UTRN: variants seen among roughly 807,000 people sequenced by gnomAD.
UTRN encodes utrophin, also known as dystrophin-related protein 1.
In UTRN, 283 loss-of-function variants were observed where a neutral mutation model predicts 463.9. The ratio of observed to expected loss-of-function variants is 0.61; its 90% CI spans 0.55 to 0.67. The LOEUF (loss-of-function observed/expected upper bound fraction) is 0.67. Among genes scored for constraint, UTRN ranks in the 30% least tolerant of loss-of-function variants. The pLI, the probability that UTRN is intolerant of heterozygous loss-of-function variation, is 0.00. For synonymous variants in UTRN, 1,442 were observed against 1,431.5 expected, an observed-to-expected ratio of 1.01 and a Z score of -0.17; for missense variants, 3,922 against 4,084.3, an observed-to-expected ratio of 0.96 and a Z score of 1.08.
intron 58 of UTRN, among the ~76,000 whole-genome samples, chr6:144,766,317 A>G (rs1394820711): frequency 6.6e-6 from 1 of 151,908 alleles, no homozygotes; most frequent in East Asian, 1.9e-4. Context: ...GTCATATCAG[A>G]TTGCCAACAT....
chr6:144,483,221 A>AAT (rs1247943591), intron 27 of UTRN, among the ~76,000 whole-genome samples: 2 of 152,150 alleles, frequency 1.3e-5, no homozygotes, highest in African/African-American at 4.8e-5. Context: ...TGCTAAGATA[A>AAT]ATATATATCA....
chr6:144,553,225 A>G (rs1413090365), intron 48 of UTRN, among the ~76,000 whole-genome samples: 6 of 152,050 alleles, frequency 3.9e-5, no homozygotes, highest in Admixed American at 2.0e-4. Flanking sequence ...TTTAGTAGAG[A>G]CAGGGTTTCA....
chr6:144,582,936 A>G (rs780435606), intron 51 of UTRN, among the ~76,000 whole-genome samples: 3 of 152,124 alleles, frequency 2.0e-5, no homozygotes, highest in Admixed American at 6.6e-5. Flanking sequence ...CTCAAGATTT[A>G]TAACAGGGTC....
intron 41 of UTRN, among the ~76,000 whole-genome samples, chr6:144,528,181 C>T (rs1796731370): frequency 6.6e-6 from 1 of 151,992 alleles, no homozygotes; most frequent in Non-Finnish European, 1.5e-5. Context: ...GGATTCCAGA[C>T]ACGCATCACC....
intron 51 of UTRN, among the ~76,000 whole-genome samples, chr6:144,596,192 C>T (rs1406463274): frequency 6.6e-6 from 1 of 152,118 alleles, no homozygotes; most frequent in Non-Finnish European, 1.5e-5. Context: ...TTTACTTATG[C>T]CAAATGTCAT....
At chr6:144,651,944 G>A (rs544836486) in intron 51 of UTRN, among the ~76,000 whole-genome samples, 10 of 152,232 alleles carry the variant, frequency 6.6e-5, no homozygotes, top group Non-Finnish European at 1.0e-4. Flanking sequence ...TATCCAATGT[G>A]TAGTCTTTTA....
rs1261224153 is a variant in UTRN at position 144,440,397 on chromosome 6, C to G, written c.1438C>G (p.Leu480Val). 2 of 1,614,038 alleles carry G rather than the reference C, an allele frequency of 1.2e-6. No homozygotes were observed. The highest frequency in any genetic ancestry group is 1.7e-6 in the Non-Finnish European group (2 of 1,180,034). Residue 480 changes from leucine to valine, a missense_variant, in exon 13 of 75, where the codon CTA (leucine) becomes GTA (valine). Leu to Val is a conservative substitution (Grantham distance 32). Coordinates refer to ENST00000367545, the MANE Select transcript of UTRN (RefSeq NM_007124.3). ...GGCTGAACAGGTGAAAGTAAATTCA[C>G]TAACTCACATGGTGGTCATTGTTGA... Reference protein sequence around the residue: ...LEAEQVKVNSLTHMVVIVDEN... With the variant: ...LEAEQVKVNSVTHMVVIVDEN...
intron 51 of UTRN, among the ~76,000 whole-genome samples, chr6:144,636,992 C>T (rs1276158524): frequency 2.6e-5 from 4 of 152,034 alleles, no homozygotes; most frequent in South Asian, 4.1e-4. Flanking sequence ...TTTTTTGAGA[C>T]GGAGTCTTCA....
intron 51 of UTRN, among the ~76,000 whole-genome samples, chr6:144,585,495 A>G (rs1274866059): frequency 6.6e-6 from 1 of 152,100 alleles, no homozygotes; most frequent in African/African-American, 2.4e-5. Flanking sequence ...CACAATTACT[A>G]TGAAATAAAT....
intron 63 of UTRN, among the ~76,000 whole-genome samples, chr6:144,797,366 G>A (rs768855963): frequency 3.3e-5 from 5 of 151,944 alleles, no homozygotes; most frequent in African/African-American, 1.2e-4. Flanking sequence ...TTTTGTGTGT[G>A]TGTGTTTTAG....
intron 51 of UTRN, among the ~76,000 whole-genome samples, chr6:144,651,348 GA>G (rs1361041906): frequency 2.6e-5 from 4 of 152,100 alleles, no homozygotes. Context: ...TAGTACTAGT[GA>G]ATGTCTTTCT....
chr6:144,490,282 C>T (rs1792931084), intron 31 of UTRN, 83 bp downstream of exon 31: 3 of 1,524,844 alleles, frequency 2.0e-6, no homozygotes, highest in Admixed American at 2.2e-5. Flanking sequence ...ATTACTTGGG[C>T]ACCGTTTGTA....
rs537685379 is a variant in UTRN at position 144,770,683 on chromosome 6, C to T, written c.8496-1224C>T. Among the ~76,000 whole-genome samples the T allele has an allele frequency of 8.5e-4, 130 of 152,240 alleles. 2 individuals are homozygous for T. In the South Asian group the frequency reaches 0.01, roughly 12 times the overall value. On this transcript the variant is annotated intron_variant, in intron 58 of 74. Coordinates refer to ENST00000367545, the MANE Select transcript of UTRN (RefSeq NM_007124.3). ...CAATTTATTACCCCAAAACTTCCAT[C>T]TAACATATGAATTAGTTTTGAAATT...
At chr6:144,728,783 G>C (rs540415746) in intron 53 of UTRN, among the ~76,000 whole-genome samples, 1 of 152,034 alleles carries the variant, frequency 6.6e-6, no homozygotes, top group South Asian at 2.1e-4. Flanking sequence ...GGTTCACTTT[G>C]CTCGTTCATT....
At chr6:144,594,125 G>A (rs567231966) in intron 51 of UTRN, among the ~76,000 whole-genome samples, 1 of 151,808 alleles carries the variant, frequency 6.6e-6, no homozygotes, top group South Asian at 2.1e-4. Context: ...CACAGTAGAA[G>A]TCAGTCTGTC....
At chr6:144,326,722 C>T (rs1274657000) in intron 2 of UTRN, among the ~76,000 whole-genome samples, 2 of 152,210 alleles carry the variant, frequency 1.3e-5, no homozygotes, top group Non-Finnish European at 2.9e-5. Context: ...TCCTTCTGCT[C>T]TTCTCCATCA....
At chr6:144,722,881 C>T (rs544420476) in intron 53 of UTRN, among the ~76,000 whole-genome samples, 2 of 152,160 alleles carry the variant, frequency 1.3e-5, no homozygotes, top group Non-Finnish European at 2.9e-5. Context: ...ATGACTATAA[C>T]CTCACTAGTA....
chr6:144,542,900 T>A (rs946997531), intron 46 of UTRN, 30 bp downstream of exon 46: 109 of 1,580,252 alleles, frequency 6.9e-5, no homozygotes, highest in Non-Finnish European at 9.2e-5. Context: ...AACAAAGTTT[T>A]TTAAAAAATC....
At chr6:144,828,993 T>A in intron 69 of UTRN, 138 bp downstream of exon 69, 1 of 886,476 alleles carries the variant, frequency 1.1e-6, no homozygotes, top group Non-Finnish European at 1.8e-6. Context: ...AATTTCTACG[T>A]AGATTTTATG....
Sources: allele counts gnomAD v4.1 joint callset (sites outside exome capture counted in the v4.1 genomes callset), GRCh38; gene constraint gnomAD v4.1.1; transcripts MANE v1.5; gene names NCBI Gene and HGNC (gene_info 2026-07-23, HGNC 2026-07-21).